Variants in LRBA observed in about 807,000 individuals in gnomAD.
LRBA encodes LPS responsive beige-like anchor protein.
Under a neutral mutation model 330.0 loss-of-function variants are expected in LRBA, and 176 were observed. The ratio of observed to expected loss-of-function variants is 0.53; its 90% CI spans 0.47 to 0.60. The LOEUF is 0.60. Among genes scored for constraint, LRBA ranks in the 20% least tolerant of loss-of-function variants. LRBA has a pLI of 0.00. For synonymous variants in LRBA, 1,230 were observed against 1,193.0 expected (o/e 1.03, Z -0.64); for missense variants, 3,259 against 3,444.8 (o/e 0.95, Z 1.35).
intron 22 of LRBA, among the ~76,000 whole-genome samples, chr4:150,854,380 A>G (rs560301919): frequency 6.6e-6 from 1 of 152,350 alleles, no homozygotes; most frequent in South Asian, 2.1e-4. Flanking sequence ...CACAATGCCA[A>G]TATTTTATTT....
chr4:150,435,489 T>G, intron 46 of LRBA, 100 bp downstream of exon 46: 1 of 1,059,776 alleles, frequency 9.4e-7, no homozygotes, highest in Non-Finnish European at 1.3e-6. Flanking sequence ...GAGATTTATC[T>G]TTTGTAAATA....
At chr4:150,744,805 G>A (rs944539420) in intron 35 of LRBA, among the ~76,000 whole-genome samples, 2 of 152,176 alleles carry the variant, frequency 1.3e-5, no homozygotes, top group African/African-American at 4.8e-5. Context: ...TTCAACCTGG[G>A]CAGAATCTGG....
chr4:150,453,485 T>C (rs1054517416), intron 44 of LRBA, among the ~76,000 whole-genome samples: 1 of 152,154 alleles, frequency 6.6e-6, no homozygotes, highest in African/African-American at 2.4e-5. Context: ...CCTTAACTCT[T>C]ACCATGAACT....
intron 17 of LRBA, among the ~76,000 whole-genome samples, chr4:150,891,091 G>A (rs1395395392): frequency 6.6e-6 from 1 of 152,100 alleles, no homozygotes; most frequent in African/African-American, 2.4e-5. Context: ...CTGAAATTCA[G>A]TTATTAGATA....
chr4:150,446,758 G>A (rs966852647), intron 44 of LRBA, among the ~76,000 whole-genome samples: 9 of 152,256 alleles, frequency 5.9e-5, no homozygotes, highest in South Asian at 4.1e-4. Flanking sequence ...CATTGCTGGC[G>A]AAATGAGTCA....
intron 11 of LRBA, among the ~76,000 whole-genome samples, chr4:150,907,446 G>T (rs549414178): frequency 6.6e-6 from 1 of 151,726 alleles, no homozygotes; most frequent in Admixed American, 6.6e-5. Flanking sequence ...AATATGTCAG[G>T]GTAATTTAAT....
intron 42 of LRBA, among the ~76,000 whole-genome samples, chr4:150,481,340 T>G (rs1298377865): frequency 6.6e-6 from 1 of 152,106 alleles, no homozygotes; most frequent in Non-Finnish European, 1.5e-5. Flanking sequence ...TATCCTTTCG[T>G]GTGGATAGAT....
chr4:150,460,572 A>T lies in LRBA; in HGVS notation c.6780+7101T>A, dbSNP rs140692537. Among the ~76,000 whole-genome samples, 891 of 151,906 alleles carry T rather than the reference A, an allele frequency of 5.9e-3. 10 individuals carry two copies. Among genetic ancestry groups the T allele is most frequent in the African/African-American group, 0.02 (843 of 41,498 alleles). On this transcript the variant is annotated intron_variant, in intron 44 of 56. Coordinates refer to ENST00000651943, the MANE Select transcript of LRBA (RefSeq NM_001364905.1). ...TTAAAAACAAAACGAAACAAAACAA[A>T]CATGATTTCTTAGAGCTTAGACAAA...
chr4:150,383,706 C>G (rs937565011), intron 47 of LRBA, among the ~76,000 whole-genome samples: 2 of 152,060 alleles, frequency 1.3e-5, no homozygotes, highest in Admixed American at 1.3e-4. Context: ...TATAAAAGAC[C>G]AAGAGCATCA....
At chr4:150,883,947 G>GA (rs1450668601) in intron 17 of LRBA, among the ~76,000 whole-genome samples, 1 of 152,022 alleles carries the variant, frequency 6.6e-6, no homozygotes, top group Non-Finnish European at 1.5e-5. Flanking sequence ...TTCCCTCCAT[G>GA]AAAAAAGACA....
intron 37 of LRBA, among the ~76,000 whole-genome samples, chr4:150,645,484 C>T (rs1779039521): frequency 6.6e-6 from 1 of 151,906 alleles, no homozygotes; most frequent in Non-Finnish European, 1.5e-5. Flanking sequence ...GCAGCTAATA[C>T]ATTTTCCAGC....
Position 150,762,291 on chromosome 4 carries a change from G to C in LRBA, c.5581-444C>G, listed in dbSNP as rs561748781. Among the ~76,000 whole-genome samples, 4 of 151,970 alleles carry C rather than the reference G, an allele frequency of 2.6e-5. No homozygotes were observed. The South Asian group carries it at 8.3e-4, about 32-fold the overall frequency. On this transcript the variant is annotated intron_variant, in intron 34 of 56. Transcript: ENST00000651943. Reference sequence around the variant, plus strand: ...AGTTCACCATAAAAATTGATGACTAGCAACTGAAAATGAAATTAGAAAAAT... The same window carrying C: ...AGTTCACCATAAAAATTGATGACTACCAACTGAAAATGAAATTAGAAAAAT...
rs566718949 is a variant in LRBA at position 150,742,585 on chromosome 4, G to T, written c.5646-7219C>A. Among the ~76,000 whole-genome samples the T allele has an allele frequency of 2.0e-5, 3 of 152,162 alleles. No individual in the cohort carries two copies. The South Asian group carries it at 6.2e-4, about 32-fold the overall frequency. On this transcript the variant is annotated intron_variant, in intron 35 of 56. Transcript: ENST00000651943. ...TTCCACAGGGCACTTGCCTCACTTT[G>T]TAGCAATGTTTTCATTTAAAATATA...
At chr4:150,462,958 T>A (rs1209482865) in intron 44 of LRBA, among the ~76,000 whole-genome samples, 1 of 151,920 alleles carries the variant, frequency 6.6e-6, no homozygotes, top group Admixed American at 6.6e-5. Context: ...TATAAACAAA[T>A]ATTTGAAAAC....
chr4:150,453,932 A>G (rs1257694890), intron 44 of LRBA, among the ~76,000 whole-genome samples: 7 of 152,148 alleles, frequency 4.6e-5, no homozygotes, highest in Non-Finnish European at 1.0e-4. Flanking sequence ...TGAATATTTC[A>G]TGTGAATGTT....
intron 34 of LRBA, among the ~76,000 whole-genome samples, chr4:150,775,182 T>G (rs143706251): frequency 2.0e-5 from 3 of 152,246 alleles, no homozygotes; most frequent in Non-Finnish European, 4.4e-5. Context: ...CAAAGAAGGG[T>G]AGTCGTAGAG....
At chr4:150,335,432 T>G (rs950858191) in intron 48 of LRBA, among the ~76,000 whole-genome samples, 1 of 148,948 alleles carries the variant, frequency 6.7e-6, no homozygotes, top group Non-Finnish European at 1.5e-5. Context: ...CATATATACA[T>G]ATATATATAC....
At chr4:150,640,182 T>C (rs1240388742) in intron 37 of LRBA, among the ~76,000 whole-genome samples, 1 of 152,012 alleles carries the variant, frequency 6.6e-6, no homozygotes, top group Non-Finnish European at 1.5e-5. Context: ...TTTCAAAAAA[T>C]GCAATCATTG....
chr4:150,349,510 T>C (rs1038643823), intron 48 of LRBA, among the ~76,000 whole-genome samples: 19 of 152,254 alleles, frequency 1.2e-4, no homozygotes, highest in Admixed American at 7.2e-4. Flanking sequence ...ATGACAAGAA[T>C]AAAACAAGTT....
Sources: gnomAD v4.1 joint callset for allele counts (sites outside exome capture counted in the v4.1 genomes callset) on GRCh38, gnomAD v4.1.1 for gene constraint, MANE v1.5 for transcripts, NCBI Gene and HGNC (gene_info 2026-07-23, HGNC 2026-07-21) for gene names.